SLC35D4: variants seen among roughly 807,000 people sequenced by gnomAD.
SLC35D4 encodes the protein solute carrier family 35 member D4, also known as UDP-N-acetylglucosamine transporter SLC35D4.
At chr18:23,344,602 T>C in the SLC35D4 span, among the ~76,000 whole-genome samples, 1 of 5,810 alleles carries the variant, frequency 1.7e-4, no homozygotes, top group African/African-American at 2.0e-3. Flanking sequence ...TTTTTCTTCT[T>C]TTTTTTTTTT....
the SLC35D4 span, among the ~76,000 whole-genome samples, chr18:23,359,433 C>T: frequency 6.6e-5 from 10 of 151,742 alleles, no homozygotes; most frequent in Admixed American, 1.3e-4. Flanking sequence ...CAGCAACACG[C>T]GGCTTATGCA....
At chr18:23,248,597 G>A in the SLC35D4 span, among the ~76,000 whole-genome samples, 1 of 150,706 alleles carries the variant, frequency 6.6e-6, no homozygotes, top group South Asian at 2.1e-4. Flanking sequence ...GGAGGCCGAG[G>A]CGGGTGGATC....
the SLC35D4 span, among the ~76,000 whole-genome samples, chr18:23,277,229 T>C: frequency 6.6e-6 from 1 of 152,172 alleles, no homozygotes; most frequent in South Asian, 2.1e-4. Flanking sequence ...TGGGAGATAA[T>C]TGAATCATGG....
At chr18:23,403,060 C>T in the SLC35D4 span, among the ~76,000 whole-genome samples, 188 of 152,114 alleles carry the variant, frequency 1.2e-3, 1 homozygote, top group African/African-American at 4.2e-3. Context: ...GAGCCAAGGT[C>T]GTGCCACTGC....
the SLC35D4 span, among the ~76,000 whole-genome samples, chr18:23,316,682 G>T: frequency 1.3e-5 from 2 of 152,218 alleles, no homozygotes; most frequent in Non-Finnish European, 2.9e-5. Context: ...TTAGGTTCAT[G>T]TGAAGGAAGG....
the SLC35D4 span, among the ~76,000 whole-genome samples, chr18:23,332,970 C>G: frequency 6.6e-6 from 1 of 152,092 alleles, no homozygotes; most frequent in Non-Finnish European, 1.5e-5. Flanking sequence ...TCACTACTCT[C>G]TATAGTCTCA....
the SLC35D4 span, among the ~76,000 whole-genome samples, chr18:23,434,628 T>TA: frequency 1.5e-4 from 23 of 151,598 alleles, no homozygotes; most frequent in Admixed American, 4.0e-4. Context: ...TCGTCTCTAT[T>TA]AAAAAAAATA....
chr18:23,279,232 G>A, the SLC35D4 span, among the ~76,000 whole-genome samples: 7 of 152,080 alleles, frequency 4.6e-5, no homozygotes, highest in Non-Finnish European at 1.0e-4. Flanking sequence ...GTGAGAAGCA[G>A]GAAGAAGATA....
At chr18:23,253,781 C>G in the SLC35D4 span, 2 of 1,614,176 alleles carry the variant, frequency 1.2e-6, no homozygotes, top group South Asian at 2.2e-5. Context: ...CCTTGAGGAG[C>G]CCACGGTGGC....
chr18:23,344,600 C>CTTTTTTTTTTTT, the SLC35D4 span, among the ~76,000 whole-genome samples: 1 of 126,074 alleles, frequency 7.9e-6, no homozygotes. Flanking sequence ...TTTTTTTCTT[C>CTTTTTTTTTTTT]TTTTTTTTTT....
At chr18:23,286,572 TGCCGAGC>T in the SLC35D4 span, among the ~76,000 whole-genome samples, 278 of 151,702 alleles carry the variant, frequency 1.8e-3, 11 homozygotes, top group South Asian at 0.052. Flanking sequence ...CCATCACGGA[TGCCGAGC>T]TTCAGGTAAC....
chr18:23,275,551 G>A, the SLC35D4 span, among the ~76,000 whole-genome samples: 1 of 151,146 alleles, frequency 6.6e-6, no homozygotes, highest in Non-Finnish European at 1.5e-5. Flanking sequence ...TAAATGGAGC[G>A]GGACAGGTCC....
At chr18:23,434,609 G>A in the SLC35D4 span, among the ~76,000 whole-genome samples, 2 of 151,846 alleles carry the variant, frequency 1.3e-5, no homozygotes, top group Non-Finnish European at 2.9e-5. Context: ...TGAGTAACAT[G>A]GCAAAACTTC....
At chr18:23,388,156 T>G in the SLC35D4 span, among the ~76,000 whole-genome samples, 6 of 152,244 alleles carry the variant, frequency 3.9e-5, no homozygotes, top group African/African-American at 1.4e-4. Flanking sequence ...AACTTTAGAC[T>G]TCGACAAGGC....
At chr18:23,373,804 A>G in the SLC35D4 span, 5 of 1,603,086 alleles carry the variant, frequency 3.1e-6, no homozygotes, top group Non-Finnish European at 4.3e-6. Flanking sequence ...TCACCTTTCA[A>G]CATCAAAGGT....
the SLC35D4 span, among the ~76,000 whole-genome samples, chr18:23,303,443 C>T: frequency 6.6e-6 from 1 of 150,750 alleles, no homozygotes; most frequent in Non-Finnish European, 1.5e-5. Context: ...CTCTTACAGA[C>T]GCCTGCTTCC....
chr18:23,370,355 G>C, the SLC35D4 span: 1 of 1,244,462 alleles, frequency 8.0e-7, no homozygotes, highest in Non-Finnish European at 1.1e-6. Flanking sequence ...ATGGATAAAG[G>C]CTCCCAAAAG....
the SLC35D4 span, among the ~76,000 whole-genome samples, chr18:23,261,294 A>T: frequency 6.6e-6 from 1 of 152,034 alleles, no homozygotes; most frequent in East Asian, 1.9e-4. Flanking sequence ...ATTCCACCTT[A>T]TTCCAGTCTG....
the SLC35D4 span, among the ~76,000 whole-genome samples, chr18:23,253,447 C>T: frequency 1.3e-5 from 2 of 152,228 alleles, no homozygotes; most frequent in African/African-American, 4.8e-5. Context: ...CGTGCCACTG[C>T]ACTCCAGCCT....
Sources: gnomAD v4.1 joint callset for allele counts (sites outside exome capture counted in the v4.1 genomes callset) on GRCh38, gnomAD v4.1.1 for gene constraint, MANE v1.5 for transcripts, NCBI Gene and HGNC (gene_info 2026-07-23, HGNC 2026-07-21) for gene names.